Variants in SYT16 observed in about 807,000 individuals in gnomAD.
SYT16 encodes synaptotagmin 16.
A neutral mutation model predicts 61.4 loss-of-function variants in SYT16; 42 were observed. The observed-to-expected ratio is 0.68, with a 90% CI of 0.53 to 0.89. The LOEUF (loss-of-function observed/expected upper bound fraction) is 0.89. Ranked by LOEUF, SYT16 falls within the 40% of genes least tolerant of loss-of-function variation. SYT16 has a pLI of 0.00. For missense variants in SYT16, 804 were observed against 807.3 expected (o/e 1.00, Z 0.05); for synonymous variants, 314 against 302.3 (o/e 1.04, Z -0.40).
At chr14:61,928,126 G>A (rs546231121) in intron 1 of SYT16, among the ~76,000 whole-genome samples, 45 of 152,294 alleles carry the variant, frequency 3.0e-4, no homozygotes, top group Admixed American at 1.0e-3. Flanking sequence ...GTTGTTGCAT[G>A]TTCAAACCCC....
chr14:61,899,056 C>A (rs919816350), intron 1 of SYT16, among the ~76,000 whole-genome samples: 1 of 152,136 alleles, frequency 6.6e-6, no homozygotes, highest in Non-Finnish European at 1.5e-5. Flanking sequence ...GATGCAGTTA[C>A]ATTTATTTTA....
chr14:61,964,464 T>G (rs951945305), intron 1 of SYT16, among the ~76,000 whole-genome samples: 3 of 152,314 alleles, frequency 2.0e-5, no homozygotes, highest in Admixed American at 2.0e-4. Flanking sequence ...CCTAACGATG[T>G]GACTGAATTG....
intron 1 of SYT16, chr14:61,865,138 C>T (rs1211181335): frequency 5.6e-6 from 7 of 1,258,408 alleles, no homozygotes; most frequent in Admixed American, 3.4e-5. Context: ...CCTCAGCCAC[C>T]GATAAATGCC....
chr14:61,911,494 G>GA (rs1221405130), intron 1 of SYT16, among the ~76,000 whole-genome samples: 1 of 152,092 alleles, frequency 6.6e-6, no homozygotes, highest in African/African-American at 2.4e-5. Context: ...GTTTTCTGTT[G>GA]AAAAATGTAC....
chr14:62,047,375 C>T (rs904075211), intron 3 of SYT16, among the ~76,000 whole-genome samples: 5 of 152,082 alleles, frequency 3.3e-5, no homozygotes, highest in African/African-American at 9.7e-5. Context: ...AGATTTTGGG[C>T]TGAGACAATG....
intron 3 of SYT16, among the ~76,000 whole-genome samples, chr14:62,005,311 G>C (rs1959329): frequency 6.6e-6 from 1 of 151,858 alleles, no homozygotes; most frequent in African/African-American, 2.4e-5. Context: ...TGTTTTGGTC[G>C]GTGTACATTG....
chr14:62,064,636 C>T (rs985391156), intron 3 of SYT16, among the ~76,000 whole-genome samples: 4 of 152,068 alleles, frequency 2.6e-5, no homozygotes, highest in African/African-American at 9.7e-5. Flanking sequence ...GTAGAGGGAG[C>T]GTAATGGACT....
rs1045350297 is a variant in SYT16, at chr14:62,075,399, A to G, written c.993+8A>G. Reference sequence around the variant, plus strand: ...TCCATGTGGAGTCCAGAGGCAAGTTATTTGTTTTTCATTCTTTCATTGGTT... The same window carrying G: ...TCCATGTGGAGTCCAGAGGCAAGTTGTTTGTTTTTCATTCTTTCATTGGTT... On this transcript the variant is annotated splice_region_variant and intron_variant, in intron 5 of 7. Transcript: ENST00000683842. 1 of 1,584,192 alleles carries G rather than the reference A, an allele frequency of 6.3e-7. No individual in the cohort carries two copies. Among genetic ancestry groups the G allele is most frequent in the Non-Finnish European group, 8.6e-7 (1 of 1,158,534 alleles).
At chr14:61,901,758 TAATA>T (rs2048524810) in intron 1 of SYT16, among the ~76,000 whole-genome samples, 11 of 147,128 alleles carry the variant, frequency 7.5e-5, no homozygotes, top group South Asian at 2.1e-4. Flanking sequence ...ATAATAATAA[TAATA>T]ATTATTATTA....
At position 61,982,848 on chromosome 14, in the gene SYT16, C is replaced by T. The variant is rs2052143328; in HGVS notation, c.-145+12537C>T. Among the ~76,000 whole-genome samples the T allele has an allele frequency of 1.3e-5, 2 of 152,166 alleles. 1 individual carries two copies. Among genetic ancestry groups the T allele is most frequent in the South Asian group, 4.1e-4 (2 of 4,830 alleles). On this transcript the variant is annotated intron_variant, in intron 2 of 7. Transcript: ENST00000683842. ...TGCTAAAAACTGGCATCATTAACAACAGCTCTTCTCTGGATGTCGTCTTCC... is the reference window on the plus strand; with the variant it reads ...TGCTAAAAACTGGCATCATTAACAATAGCTCTTCTCTGGATGTCGTCTTCC...
At chr14:61,954,185 T>C (rs1416161038) in intron 1 of SYT16, among the ~76,000 whole-genome samples, 1 of 152,196 alleles carries the variant, frequency 6.6e-6, no homozygotes, top group East Asian at 1.9e-4. Flanking sequence ...ACTTTCTAAT[T>C]GTTCATATTG....
intron 1 of SYT16, among the ~76,000 whole-genome samples, chr14:61,867,490 G>A (rs1045801174): frequency 5.9e-5 from 9 of 151,960 alleles, no homozygotes; most frequent in Non-Finnish European, 1.2e-4. Context: ...AGACCCATAT[G>A]CTCTGAACTA....
At chr14:62,037,802 G>T (rs969184260) in intron 3 of SYT16, among the ~76,000 whole-genome samples, 1 of 152,120 alleles carries the variant, frequency 6.6e-6, no homozygotes, top group African/African-American at 2.4e-5. Context: ...ACTCATCTGG[G>T]CTATTTCTGA....
At chr14:61,940,592 C>T (rs1280097560) in intron 1 of SYT16, among the ~76,000 whole-genome samples, 1 of 152,194 alleles carries the variant, frequency 6.6e-6, no homozygotes, top group Non-Finnish European at 1.5e-5. Context: ...ATAATAATTT[C>T]AATGTCTTAG....
At chr14:61,897,720 G>A (rs1182219953) in intron 1 of SYT16, among the ~76,000 whole-genome samples, 1 of 152,048 alleles carries the variant, frequency 6.6e-6, no homozygotes, top group Non-Finnish European at 1.5e-5. Context: ...TTCAGTATTT[G>A]CAAGATGAGG....
chr14:62,075,434 C>A, intron 5 of SYT16, 43 bp downstream of exon 5: 1 of 1,552,366 alleles, frequency 6.4e-7, no homozygotes, highest in South Asian at 1.2e-5. Context: ...TCCCTTTCCC[C>A]TTCCCCTCTT....
intron 4 of SYT16, among the ~76,000 whole-genome samples, chr14:62,073,439 G>C (rs1018339177): frequency 7.2e-5 from 11 of 152,110 alleles, no homozygotes; most frequent in Non-Finnish European, 2.9e-5. Flanking sequence ...TTATGTTGTA[G>C]GTTTTTGCAT....
intron 5 of SYT16, among the ~76,000 whole-genome samples, chr14:62,076,325 G>A (rs1349872203): frequency 5.3e-5 from 8 of 152,098 alleles, no homozygotes; most frequent in Non-Finnish European, 8.8e-5. Context: ...AATATAATTT[G>A]CAGGGATGGG....
chr14:61,863,944 G>A (rs2047046202), intron 1 of SYT16, among the ~76,000 whole-genome samples: 1 of 152,062 alleles, frequency 6.6e-6, no homozygotes, highest in Admixed American at 6.5e-5. Flanking sequence ...TCTAATTCTT[G>A]GCCCTCTGTT....
Sources: allele counts gnomAD v4.1 joint callset (sites outside exome capture counted in the v4.1 genomes callset), GRCh38; gene constraint gnomAD v4.1.1; transcripts MANE v1.5; gene names NCBI Gene and HGNC (gene_info 2026-07-23, HGNC 2026-07-21).